PRIMA1: variants seen among roughly 807,000 people sequenced by gnomAD.
The protein encoded by PRIMA1 is proline-rich membrane anchor 1.
Under a neutral mutation model 17.5 loss-of-function variants are expected in PRIMA1, and 7 were observed. The observed-to-expected ratio is 0.40, with a 90% CI of 0.23 to 0.75. The LOEUF is 0.75. Ranked by LOEUF, PRIMA1 falls within the 30% of genes least tolerant of loss-of-function variation. The pLI is 0.37. For missense variants in PRIMA1, 200 were observed against 201.8 expected (o/e 0.99, Z 0.05); for synonymous variants, 97 against 77.9 (o/e 1.25, Z -1.29).
At chr14:93,775,979 C>T (rs989462628) in intron 3 of PRIMA1, among the ~76,000 whole-genome samples, 5 of 152,342 alleles carry the variant, frequency 3.3e-5, no homozygotes, top group Middle Eastern at 3.4e-3. Context: ...ATGACCCAAG[C>T]TAGTCCAGCA....
At chr14:93,782,967 T>C (rs185366265) in intron 2 of PRIMA1, among the ~76,000 whole-genome samples, 26 of 152,346 alleles carry the variant, frequency 1.7e-4, no homozygotes, top group African/African-American at 6.3e-4. Context: ...GGTTTCGCTA[T>C]GTTGACCAGA....
At chr14:93,757,336 C>A (rs1398167641) in intron 3 of PRIMA1, among the ~76,000 whole-genome samples, 1 of 152,242 alleles carries the variant, frequency 6.6e-6, no homozygotes, top group Non-Finnish European at 1.5e-5. Context: ...ACACTCCCGC[C>A]GATCCGTTCC....
At chr14:93,749,969 T>G (rs1001202995) in intron 3 of PRIMA1, among the ~76,000 whole-genome samples, 3 of 152,162 alleles carry the variant, frequency 2.0e-5, no homozygotes, top group African/African-American at 7.2e-5. Flanking sequence ...TCACCCAAGG[T>G]CAGGAGTTCG....
At chr14:93,738,934 T>C (rs1480564614) in intron 3 of PRIMA1, among the ~76,000 whole-genome samples, 1 of 152,266 alleles carries the variant, frequency 6.6e-6, no homozygotes, top group East Asian at 1.9e-4. Flanking sequence ...TTTTTGTTCC[T>C]TTATTTAGCA....
At chr14:93,770,507 A>G (rs1181967523) in intron 3 of PRIMA1, among the ~76,000 whole-genome samples, 1 of 152,094 alleles carries the variant, frequency 6.6e-6, no homozygotes, top group African/African-American at 2.4e-5. Flanking sequence ...GTTTCCTCTG[A>G]TGAGAAAGCT....
rs907841854 is a variant in PRIMA1, at chr14:93,719,354, G to A, written c.*2090C>T. On this transcript the variant is annotated 3_prime_UTR_variant, in exon 5 of 5. Transcript: ENST00000393140. ...GGTAGGGAATGATGGGACCAGGCGA[G>A]TGTGCGCAAAGCTGGGCTGTGCCCA... is the stretch of plus-strand genomic sequence containing the variant. 6.6e-6 allele frequency: 1 copy of A among 152,242 alleles called. No individual in the cohort carries two copies. The highest frequency in any genetic ancestry group is 6.5e-5 in the Admixed American group (1 of 15,286). The allele number at this position is 152,242 out of a possible 1,614,324, so 9.4% of individuals were successfully genotyped here.
At chr14:93,786,166 A>G (rs1885518833) in intron 2 of PRIMA1, among the ~76,000 whole-genome samples, 1 of 152,198 alleles carries the variant, frequency 6.6e-6, no homozygotes, top group South Asian at 2.1e-4. Context: ...AAGTGAACTC[A>G]ATATCTGAGG....
intron 3 of PRIMA1, among the ~76,000 whole-genome samples, chr14:93,771,166 GTGTGCA>G (rs1453564922): frequency 6.6e-6 from 1 of 152,222 alleles, no homozygotes; most frequent in East Asian, 1.9e-4. Flanking sequence ...ATGTATGTGT[GTGTGCA>G]TGTGGATGCA....
At chr14:93,721,603 T>C (rs2076039220) in intron 4 of PRIMA1, 57 bp from the exon 5 acceptor site, 34 of 999,956 alleles carry the variant, frequency 3.4e-5, no homozygotes, top group Non-Finnish European at 5.0e-5. Flanking sequence ...GGGACACCAT[T>C]AGTTATCACT....
At chr14:93,776,855 TTC>T (rs1329316544) in intron 3 of PRIMA1, among the ~76,000 whole-genome samples, 3 of 152,244 alleles carry the variant, frequency 2.0e-5, no homozygotes, top group African/African-American at 7.2e-5. Flanking sequence ...TACCGCTTAC[TTC>T]TCTCCCTTTT....
chr14:93,782,671 C>T (rs1885416997), intron 2 of PRIMA1, among the ~76,000 whole-genome samples: 1 of 152,210 alleles, frequency 6.6e-6, no homozygotes, highest in South Asian at 2.1e-4. Flanking sequence ...TACATAAGGG[C>T]CTCTCTGAAA....
chr14:93,726,653 C>T lies in PRIMA1; in HGVS notation c.360-5107G>A, dbSNP rs2076078443. On this transcript the variant is annotated intron_variant, in intron 4 of 4. Coordinates refer to ENST00000393140, the MANE Select transcript of PRIMA1 (RefSeq NM_178013.4). The surrounding 1 kb of genome is among the most constrained non-coding windows in gnomAD (Gnocchi z 4.2). The stretch of plus-strand genomic sequence containing the variant: ...ATGTACACATGCACAAATCCACACA[C>T]ACATACAATATACACATACACATAG... Among the ~76,000 whole-genome samples, 2 of 152,056 alleles carry T rather than the reference C, an allele frequency of 1.3e-5. No individual in the cohort carries two copies. Among genetic ancestry groups the T allele is most frequent in the South Asian group, 4.1e-4 (2 of 4,824 alleles).
intron 3 of PRIMA1, among the ~76,000 whole-genome samples, chr14:93,769,093 T>G (rs1026599407): frequency 2.2e-4 from 34 of 152,206 alleles, no homozygotes; most frequent in African/African-American, 7.7e-4. Context: ...CATCTGGAGA[T>G]AGGAGTCATG....
At chr14:93,734,109 G>A (rs1244531195) in intron 4 of PRIMA1, among the ~76,000 whole-genome samples, 1 of 152,190 alleles carries the variant, frequency 6.6e-6, no homozygotes, top group Non-Finnish European at 1.5e-5. Context: ...ACTCTCTCTG[G>A]ACTATGAAGA....
At chr14:93,788,849 TC>T (rs1198744783), upstream of PRIMA1, among the ~76,000 whole-genome samples, 1 of 150,950 alleles carries the variant, frequency 6.6e-6, no homozygotes. Context: ...GCGCGAGCCC[TC>T]CCCGGGCCCG....
intron 4 of PRIMA1, among the ~76,000 whole-genome samples, chr14:93,727,199 G>T (rs1301085187): frequency 6.6e-6 from 1 of 152,228 alleles, no homozygotes; most frequent in Non-Finnish European, 1.5e-5. Context: ...CCTCCGCTGA[G>T]CTGCGGCGGA....
At chr14:93,747,634 T>C (rs1201114547) in intron 3 of PRIMA1, among the ~76,000 whole-genome samples, 1 of 148,354 alleles carries the variant, frequency 6.7e-6, no homozygotes, top group Non-Finnish European at 1.5e-5. Context: ...AGTGTGTGAG[T>C]GCATGGGAGT....
intron 3 of PRIMA1, among the ~76,000 whole-genome samples, chr14:93,774,526 T>A (rs186235090): frequency 6.6e-6 from 1 of 152,334 alleles, no homozygotes; most frequent in East Asian, 1.9e-4. Context: ...TGGATCAATG[T>A]CACTTCAGCA....
Position 93,787,618 on chromosome 14 carries a change from C to A in PRIMA1, c.93+8G>T, listed in dbSNP as rs1017066997. 6 of 1,540,396 alleles carry A rather than the reference C, an allele frequency of 3.9e-6. No homozygotes were observed. In the African/African-American group the frequency reaches 6.8e-5, roughly 18 times the overall value. ...CCTCCCAGCCAGTGCGCAGCCGGCGCGTCTCACCTGCACGAAGCCCCAGAG... is the reference window on the plus strand; with the variant it reads ...CCTCCCAGCCAGTGCGCAGCCGGCGAGTCTCACCTGCACGAAGCCCCAGAG... On this transcript the variant is annotated splice_region_variant and intron_variant, in intron 2 of 4. Transcript: ENST00000393140.
Sources: allele counts gnomAD v4.1 joint callset (sites outside exome capture counted in the v4.1 genomes callset), GRCh38; gene constraint gnomAD v4.1.1; non-coding constraint Gnocchi (gnomAD v3.1); transcripts MANE v1.5; gene names NCBI Gene and HGNC (gene_info 2026-07-23, HGNC 2026-07-21).